The following EPS8 variants were observed in gnomAD, a reference collection of about 807,000 sequenced individuals.
EPS8 encodes the protein epidermal growth factor receptor kinase substrate 8.
In EPS8, 42 loss-of-function variants were observed where a neutral mutation model predicts 103.8. That is an observed-to-expected ratio of 0.40 (90% CI 0.32 to 0.52). The LOEUF is 0.52. Ranked by LOEUF, EPS8 falls within the 20% of genes least tolerant of loss-of-function variation. EPS8 has a pLI of 0.40. For synonymous variants in EPS8, 344 were observed against 344.6 expected, an observed-to-expected ratio of 1.00 and a Z score of 0.02; for missense variants, 969 against 1,005.1, an observed-to-expected ratio of 0.96 and a Z score of 0.49.
intron 11 of EPS8, 140 bp from the exon 12 acceptor site, chr12:15,658,293 T>G: frequency 2.9e-6 from 2 of 678,668 alleles, no homozygotes; most frequent in South Asian, 3.8e-5. Context: ...AGAGTGAGAA[T>G]AGAAGTCATT....
chr12:15,633,297 C>G (rs760277897), intron 17 of EPS8, among the ~76,000 whole-genome samples: 1 of 152,160 alleles, frequency 6.6e-6, no homozygotes, highest in African/African-American at 2.4e-5. Flanking sequence ...TTAGCACACA[C>G]CAAAGTCATC....
At chr12:15,720,087 C>CTA (rs1447181648) in intron 1 of EPS8, among the ~76,000 whole-genome samples, 1 of 152,110 alleles carries the variant, frequency 6.6e-6, no homozygotes, top group Non-Finnish European at 1.5e-5. Flanking sequence ...TACTTTAAGG[C>CTA]TATACAACTT....
In EPS8 at chr12:15,787,026, G is replaced by C. The variant is rs1176516712; in HGVS notation, c.-22+2135C>G. On this transcript the variant is annotated intron_variant, in intron 1 of 20. Coordinates refer to ENST00000281172, the MANE Select transcript of EPS8 (RefSeq NM_004447.6). This position sits in a 1 kb window ranked among gnomAD's most constrained non-coding sequence, Gnocchi z 4.9. ...GTTTCACACAACTCAGGAAAGCTGA[G>C]TTGTATATAAATATTACATAAATCA... is the stretch of plus-strand genomic sequence containing the variant. Among the ~76,000 whole-genome samples the C allele has an allele frequency of 1.3e-5, 2 of 152,134 alleles. No homozygotes were observed. Among genetic ancestry groups the C allele is most frequent in the Non-Finnish European group, 2.9e-5 (2 of 68,006 alleles).
chr12:15,666,526 C>T lies in EPS8; in HGVS notation c.517-4G>A, dbSNP rs138864985. The T allele has an allele frequency of 6.2e-7, 1 of 1,607,912 alleles. No individual in the cohort carries two copies. Among genetic ancestry groups the T allele is most frequent in the East Asian group, 2.2e-5 (1 of 44,804 alleles). Reference sequence around the variant, plus strand: ...TATCTTCACTAATTAGGTTTGCCTGCAAAGAGACACAAGTTACCTGAAAGT... The same window carrying T: ...TATCTTCACTAATTAGGTTTGCCTGTAAAGAGACACAAGTTACCTGAAAGT... On this transcript the variant is annotated splice_region_variant and splice_polypyrimidine_tract_variant and intron_variant, in intron 6 of 20. Transcript: ENST00000281172.
intron 18 of EPS8, among the ~76,000 whole-genome samples, chr12:15,628,145 T>C (rs1270611880): frequency 6.6e-6 from 1 of 152,092 alleles, no homozygotes; most frequent in Non-Finnish European, 1.5e-5. Flanking sequence ...GAGAATACTA[T>C]TGATTGTTAC....
Position 15,717,908 on chromosome 12 carries a change from C to T in EPS8, c.-21-34936G>A, listed in dbSNP as rs1446396181. ...GATTATGGATTTTAAATGTCACTTT[C>T]AACCTAGAAATCACTGTACAGCTCC... On this transcript the variant is annotated intron_variant, in intron 1 of 20. Transcript: ENST00000281172. This position sits in a 1 kb window ranked among gnomAD's most constrained non-coding sequence, Gnocchi z 4.3. Among the ~76,000 whole-genome samples the T allele has an allele frequency of 6.6e-6, 1 of 152,174 alleles. No homozygotes were observed. Among genetic ancestry groups the T allele is most frequent in the African/African-American group, 2.4e-5 (1 of 41,434 alleles).
intron 3 of EPS8, among the ~76,000 whole-genome samples, chr12:15,672,685 A>G (rs553309463): frequency 6.6e-6 from 1 of 152,348 alleles, no homozygotes; most frequent in South Asian, 2.1e-4. Context: ...TAACACATCG[A>G]TAATTGTCCC....
intron 17 of EPS8, among the ~76,000 whole-genome samples, chr12:15,636,477 T>A (rs1690315833): frequency 6.6e-6 from 1 of 152,214 alleles, no homozygotes; most frequent in African/African-American, 2.4e-5. Context: ...GGATATTAAA[T>A]AGCCTAGACT....
At chr12:15,691,307 A>G (rs929145722) in intron 1 of EPS8, among the ~76,000 whole-genome samples, 2 of 151,790 alleles carry the variant, frequency 1.3e-5, no homozygotes, top group African/African-American at 2.4e-5. Flanking sequence ...TTGGGAAGTC[A>G]AGGTGGGGGT....
intron 20 of EPS8, among the ~76,000 whole-genome samples, chr12:15,622,532 G>A (rs1347517537): frequency 6.6e-6 from 1 of 152,126 alleles, no homozygotes; most frequent in Non-Finnish European, 1.5e-5. Flanking sequence ...AGATGTAACA[G>A]TTGGAAACTA....
chr12:15,709,838 A>T (rs1050013287), intron 1 of EPS8, among the ~76,000 whole-genome samples: 4 of 152,202 alleles, frequency 2.6e-5, no homozygotes, highest in South Asian at 2.1e-4. Context: ...AGTAGGCGGG[A>T]TGGATCAGAA....
Position 15,700,200 on chromosome 12 carries a change from A to T in EPS8, c.-21-17228T>A, listed in dbSNP as rs1332015692. 1.3e-5 allele frequency among the ~76,000 whole-genome samples: 2 copies of T among 151,994 alleles called. No individual in the cohort carries two copies. Among genetic ancestry groups the T allele is most frequent in the Non-Finnish European group, 1.5e-5 (1 of 67,972 alleles). On this transcript the variant is annotated intron_variant, in intron 1 of 20. Transcript: ENST00000281172. The surrounding 1 kb of genome is among the most constrained non-coding windows in gnomAD (Gnocchi z 5.1). ...AAGAAACTCTTCCCTAACCAACTCA[A>T]CGTTAACAATATCTAGTCAATTGGC...
At chr12:15,743,459 A>G (rs1341306886) in intron 1 of EPS8, among the ~76,000 whole-genome samples, 1 of 152,202 alleles carries the variant, frequency 6.6e-6, no homozygotes, top group Non-Finnish European at 1.5e-5. Flanking sequence ...TGCCAAGACA[A>G]TCCTAAGCCA....
intron 10 of EPS8, among the ~76,000 whole-genome samples, 162 bp downstream of exon 10, chr12:15,660,452 C>A (rs113069708): frequency 6.6e-6 from 1 of 152,016 alleles, no homozygotes; most frequent in African/African-American, 2.4e-5. Flanking sequence ...TTAGTAGAGA[C>A]GGGGTTTCAT....
chr12:15,685,277 A>C (rs1946076057), intron 1 of EPS8, among the ~76,000 whole-genome samples: 2 of 152,202 alleles, frequency 1.3e-5, no homozygotes, highest in Non-Finnish European at 2.9e-5. Context: ...TCGTCAGTAA[A>C]ATAGAGATAA....
At chr12:15,642,158 A>C (rs1591812808) in intron 15 of EPS8, among the ~76,000 whole-genome samples, 1 of 152,126 alleles carries the variant, frequency 6.6e-6, no homozygotes, top group African/African-American at 2.4e-5. Flanking sequence ...TCTACCATAA[A>C]AGAACTAGAT....
intron 12 of EPS8, 108 bp from the exon 13 acceptor site, chr12:15,654,401 A>AC: frequency 1.0e-6 from 1 of 985,322 alleles, no homozygotes; most frequent in Non-Finnish European, 1.6e-6. Flanking sequence ...TTTAATAGTC[A>AC]TATTAACTTT....
chr12:15,651,155 C>T, intron 13 of EPS8, 149 bp from the exon 14 acceptor site: 1 of 560,694 alleles, frequency 1.8e-6, no homozygotes, highest in South Asian at 3.6e-5. Context: ...TGTCTTCCAT[C>T]CACCCAAAAA....
At position 15,697,028 on chromosome 12, in the gene EPS8, T is replaced by C. The variant is rs1484769872; in HGVS notation, c.-21-14056A>G. Among the ~76,000 whole-genome samples, 1 of 152,174 alleles carries C rather than the reference T, an allele frequency of 6.6e-6. No individual in the cohort carries two copies. Among genetic ancestry groups the C allele is most frequent in the Non-Finnish European group, 1.5e-5 (1 of 68,026 alleles). ...AAGAGGAGATTTGAAGAGGGAATTA[T>C]CGTAAGGCCAGCATTTGCATTTCTT... On this transcript the variant is annotated intron_variant, in intron 1 of 20. Transcript: ENST00000281172. This position sits in a 1 kb window ranked among gnomAD's most constrained non-coding sequence, Gnocchi z 5.6.
Sources: gnomAD v4.1 joint callset for allele counts (sites outside exome capture counted in the v4.1 genomes callset) on GRCh38, gnomAD v4.1.1 for gene constraint, Gnocchi (gnomAD v3.1) non-coding constraint, MANE v1.5 for transcripts, NCBI Gene and HGNC (gene_info 2026-07-23, HGNC 2026-07-21) for gene names.